Variants in EPCAM observed in about 807,000 individuals in gnomAD.
EPCAM encodes the protein epithelial cell adhesion molecule, also known as adenocarcinoma-associated antigen.
Under a neutral mutation model 40.0 loss-of-function variants are expected in EPCAM, and 39 were observed. The ratio of observed to expected loss-of-function variants is 0.98; its 90% CI spans 0.76 to 1.27. The LOEUF is 1.27. Among genes scored for constraint, EPCAM ranks in the 50% most tolerant of loss-of-function variants. The probability of loss-of-function intolerance (pLI) is 0.00; values close to 1 mark genes in which losing one functional copy is unlikely to be tolerated. For synonymous variants in EPCAM, 168 were observed against 132.3 expected (o/e 1.27, Z -1.85); for missense variants, 503 against 381.2 (o/e 1.32, Z -2.66).
chr2:47,380,825 A>G (rs986705596), intron 7 of EPCAM, among the ~76,000 whole-genome samples: 1 of 152,176 alleles, frequency 6.6e-6, no homozygotes, highest in South Asian at 2.1e-4. Context: ...GTGATGGCTC[A>G]GGCCTGTAAT....
intron 7 of EPCAM, among the ~76,000 whole-genome samples, chr2:47,382,677 ACT>A (rs918176257): frequency 2.6e-5 from 4 of 152,156 alleles, no homozygotes; most frequent in African/African-American, 9.7e-5. Flanking sequence ...CGAGAGCAAA[ACT>A]CTGTCTCAAA....
chr2:47,386,614 CT>C lies in EPCAM; in HGVS notation c.*2del. 6.3e-7 allele frequency: 1 copy of C among 1,599,164 alleles called. No individual in the cohort carries two copies. Among genetic ancestry groups the C allele is most frequent in the Non-Finnish European group, 8.6e-7 (1 of 1,167,464 alleles). On this transcript the variant is annotated 3_prime_UTR_variant, in exon 9 of 9. Transcript: ENST00000263735. ...GATGCATAGGGAACTCAATGCATAA[CT>C]ATATAATTTGAAGATTATAGAAGAA... is the stretch of plus-strand genomic sequence containing the variant.
At chr2:47,372,210 T>C (rs1671289623) in intron 1 of EPCAM, among the ~76,000 whole-genome samples, 1 of 152,154 alleles carries the variant, frequency 6.6e-6, no homozygotes, top group South Asian at 2.1e-4. Flanking sequence ...AGATATAAAA[T>C]TGTTTAAAGA....
chr2:47,372,354 A>G (rs1052837872), intron 1 of EPCAM, among the ~76,000 whole-genome samples: 3 of 152,030 alleles, frequency 2.0e-5, no homozygotes, highest in African/African-American at 7.2e-5. Context: ...AGAGGCGGTG[A>G]CAGCCGGGCA....
rs864622092 is a variant in EPCAM at position 47,369,542 on chromosome 2, CTTGCCGCGGCGACGGCGACTT to C, written c.45_65del (p.Thr17_Ala23del). The C allele has an allele frequency of 1.1e-5, 18 of 1,584,554 alleles. No homozygotes were observed. Among genetic ancestry groups the C allele is most frequent in the African/African-American group, 2.7e-5 (2 of 73,910 alleles). On this transcript the variant is annotated inframe_deletion, in exon 1 of 9. Coordinates refer to ENST00000263735, the MANE Select transcript of EPCAM (RefSeq NM_002354.3). The stretch of plus-strand genomic sequence containing the variant: ...GCAGGTCCTCGCGTTCGGGCTTCTG[CTTGCCGCGGCGACGGCGACTT>C]TTGCCGCAGCTCAGGAAGGTGAGGC...
At chr2:47,371,079 A>T (rs756542590) in intron 1 of EPCAM, among the ~76,000 whole-genome samples, 18 of 152,194 alleles carry the variant, frequency 1.2e-4, no homozygotes, top group Non-Finnish European at 2.4e-4. Context: ...TCCTGGGCTC[A>T]AGTGATCACT....
intron 3 of EPCAM, among the ~76,000 whole-genome samples, chr2:47,374,275 A>G (rs139479702): frequency 1.4e-3 from 219 of 152,236 alleles, no homozygotes; most frequent in Middle Eastern, 3.4e-3. Flanking sequence ...TGAATTTGTT[A>G]TATATCTGTT....
chr2:47,372,449 C>A (rs561899517), intron 1 of EPCAM, among the ~76,000 whole-genome samples: 2 of 151,272 alleles, frequency 1.3e-5, no homozygotes, highest in East Asian at 3.9e-4. Context: ...ACCAGCCTGA[C>A]CAACATGGTG....
intron 1 of EPCAM, among the ~76,000 whole-genome samples, chr2:47,372,647 C>T (rs902686563): frequency 6.6e-5 from 10 of 152,098 alleles, no homozygotes; most frequent in Non-Finnish European, 1.5e-4. Context: ...TGGCATACCC[C>T]TGTAGTCCCA....
At chr2:47,372,251 A>G (rs570632233) in intron 1 of EPCAM, among the ~76,000 whole-genome samples, 15 of 152,322 alleles carry the variant, frequency 9.8e-5, no homozygotes, top group African/African-American at 3.6e-4. Context: ...CCCCAAAGGA[A>G]ACATCCCTCA....
intron 1 of EPCAM, among the ~76,000 whole-genome samples, chr2:47,371,320 GCACATTTACATGTCA>G (rs906263990): frequency 6.6e-6 from 1 of 151,504 alleles, no homozygotes; most frequent in African/African-American, 2.4e-5. Context: ...GAGTGCAGTG[GCACATTTACATGTCA>G]CTGCGTCCTC....
chr2:47,369,856 A>G lies in EPCAM; in HGVS notation c.76+275A>G. 5.2e-6 allele frequency: 3 copies of G among 574,410 alleles called. 1 individual carries two copies. The highest frequency in any genetic ancestry group is 5.1e-5 in the South Asian group (3 of 59,032). 35.6% of individuals were successfully genotyped at this position (574,410 alleles called of 1,614,324 possible). On this transcript the variant is annotated intron_variant, in intron 1 of 8. Transcript: ENST00000263735. ...GAGGCGGGGGACAGGCAGGGAACGG[A>G]GTGGCCACGTCCAGGTTTCCTGCGG...
Position 47,369,386 on chromosome 2 carries a change from C to T in EPCAM, c.-120C>T. 1 of 1,197,050 alleles carries T rather than the reference C, an allele frequency of 8.4e-7. No homozygotes were observed. The highest frequency in any genetic ancestry group is 1.1e-6 in the Non-Finnish European group (1 of 918,278). The allele number at this position is 1,197,050 out of a possible 1,614,324, so 74.2% of individuals were successfully genotyped here. ...CCCCCTCGTCGCTGTCCTCCCGACG[C>T]GGACCCGCGTGCCCCAGGCCTCGCG... On this transcript the variant is annotated 5_prime_UTR_variant, in exon 1 of 9. Coordinates refer to ENST00000263735, the MANE Select transcript of EPCAM (RefSeq NM_002354.3).
At position 47,379,820 on chromosome 2, in the gene EPCAM, G is replaced by T; in HGVS notation, c.709G>T (p.Gly237Trp). The T allele has an allele frequency of 6.2e-7, 1 of 1,613,990 alleles. No individual in the cohort carries two copies. Among genetic ancestry groups the T allele is most frequent in the Non-Finnish European group, 8.5e-7 (1 of 1,179,992 alleles). Reference sequence around the variant, plus strand: ...TAAGAAAATGGACCTGACAGTAAATGGGGAACAACTGGATCTGGATCCTGG... The same window carrying T: ...TAAGAAAATGGACCTGACAGTAAATTGGGAACAACTGGATCTGGATCCTGG... ...HSKKMDLTVN[G>W]EQLDLDPGQT... Residue 237 changes from glycine (G) to tryptophan (W), a missense_variant, in exon 7 of 9, where the codon GGG becomes TGG. By Grantham distance (184) the Gly-to-Trp change is radical. Coordinates refer to ENST00000263735, the MANE Select transcript of EPCAM (RefSeq NM_002354.3).
At chr2:47,369,924 G>A in intron 1 of EPCAM, 1 of 412,046 alleles carries the variant, frequency 2.4e-6, no homozygotes, top group Non-Finnish European at 4.7e-6. Flanking sequence ...CCACGTCCTC[G>A]GTTCGGGGTG....
chr2:47,372,421 T>C (rs1671294702), intron 1 of EPCAM, among the ~76,000 whole-genome samples: 1 of 151,640 alleles, frequency 6.6e-6, no homozygotes. Context: ...GTGGGTTACC[T>C]GAGGTCAGGA....
At chr2:47,369,729 C>G (rs538922283) in intron 1 of EPCAM, 148 bp downstream of exon 1, 31 of 851,982 alleles carry the variant, frequency 3.6e-5, no homozygotes, top group East Asian at 1.3e-4. Context: ...CGGCCGTGCT[C>G]CGGCTCAGGC....
chr2:47,374,607 C>G (rs1021711287), intron 3 of EPCAM, among the ~76,000 whole-genome samples: 1 of 151,992 alleles, frequency 6.6e-6, no homozygotes, highest in East Asian at 1.9e-4. Context: ...TCAGTTTTCT[C>G]TTTGTGCCCT....
In EPCAM at chr2:47,369,468, G is replaced by A. The variant is rs1306875884; in HGVS notation, c.-38G>A. The A allele has an allele frequency of 2.1e-6, 3 of 1,456,556 alleles. No individual in the cohort carries two copies. The highest frequency in any genetic ancestry group is 2.7e-6 in the Non-Finnish European group (3 of 1,115,414). The allele number at this position is 1,456,556 out of a possible 1,614,324, so 90.2% of individuals were successfully genotyped here. On this transcript the variant is annotated 5_prime_UTR_variant, in exon 1 of 9. Transcript: ENST00000263735. ...GGCGCACGCCCTCCCGCGAGTCCCG[G>A]GCCCCTCCCGCGCCCCTCTTCTCGG...
Sources: gnomAD v4.1 joint callset for allele counts (sites outside exome capture counted in the v4.1 genomes callset) on GRCh38, gnomAD v4.1.1 for gene constraint, MANE v1.5 for transcripts, NCBI Gene and HGNC (gene_info 2026-07-23, HGNC 2026-07-21) for gene names.